GNG4: variants seen among roughly 807,000 people sequenced by gnomAD.
The protein encoded by GNG4 is guanine nucleotide-binding protein G(I)/G(S)/G(O) subunit gamma-4.
In GNG4, 4 loss-of-function variants were observed where a neutral mutation model predicts 5.8. The observed-to-expected ratio is 0.69, with a 90% CI of 0.34 to 1.57. GNG4 has a LOEUF of 1.57. GNG4 is among the 40% of genes most tolerant of loss of function. The pLI is 0.06. For missense variants in GNG4, 96 were observed against 95.1 expected, an observed-to-expected ratio of 1.01 and a Z score of -0.04; for synonymous variants, 29 against 32.9, an observed-to-expected ratio of 0.88 and a Z score of 0.41.
chr1:235,573,669 C>T (rs2102931581), intron 3 of GNG4, among the ~76,000 whole-genome samples: 1 of 152,030 alleles, frequency 6.6e-6, no homozygotes, highest in East Asian at 1.9e-4. Flanking sequence ...CCCAGCTACT[C>T]AGGAGGCCGA....
At chr1:235,625,460 A>G (rs930582231) in intron 1 of GNG4, among the ~76,000 whole-genome samples, 1 of 152,144 alleles carries the variant, frequency 6.6e-6, no homozygotes, top group Non-Finnish European at 1.5e-5. Context: ...CATAGTTTAC[A>G]ATAGGGCTCA....
intron 1 of GNG4, among the ~76,000 whole-genome samples, chr1:235,598,134 A>G (rs562789856): frequency 3.3e-5 from 5 of 152,236 alleles, no homozygotes; most frequent in African/African-American, 9.6e-5. Flanking sequence ...CGGTTCCCCA[A>G]ATTTGGTTGG....
intron 1 of GNG4, among the ~76,000 whole-genome samples, chr1:235,605,014 G>C (rs1029664731): frequency 2.0e-5 from 3 of 152,032 alleles, no homozygotes; most frequent in African/African-American, 7.3e-5. Flanking sequence ...TTTTTCACTT[G>C]TAAAATGAGA....
intron 3 of GNG4, among the ~76,000 whole-genome samples, chr1:235,562,477 TC>T (rs1249202187): frequency 6.6e-6 from 1 of 151,680 alleles, no homozygotes; most frequent in African/African-American, 2.4e-5. Context: ...CGAAACCCCA[TC>T]TCTACTAAAA....
At position 235,549,862 on chromosome 1, in the gene GNG4, C is replaced by T. The variant is rs10754681; in HGVS notation, c.*2247G>A. ...ATCCATTCTTCCCTATATTATACCA[C>T]GGCATTTAGTACATTTATTTGTTTT... On this transcript the variant is annotated 3_prime_UTR_variant, in exon 4 of 4. Coordinates refer to ENST00000391854, the MANE Select transcript of GNG4 (RefSeq NM_001098722.2). 85,114 of 152,058 alleles carry T rather than the reference C, an allele frequency of 0.56. 24,470 individuals carry two copies. Among genetic ancestry groups the T allele is most frequent in the East Asian group, 0.83 (4,286 of 5,184 alleles). The allele number at this position is 152,058 out of a possible 1,614,324, so 9.4% of individuals were successfully genotyped here.
At chr1:235,594,386 C>T (rs561764440) in intron 2 of GNG4, among the ~76,000 whole-genome samples, 1 of 152,238 alleles carries the variant, frequency 6.6e-6, no homozygotes, top group Non-Finnish European at 1.5e-5. Flanking sequence ...TGGATCCCAT[C>T]TGGGGCCACA....
At chr1:235,560,443 C>A (rs181768647) in intron 3 of GNG4, among the ~76,000 whole-genome samples, 31 of 152,260 alleles carry the variant, frequency 2.0e-4, no homozygotes, top group African/African-American at 7.5e-4. Context: ...CTGCAAGTAG[C>A]CCCTCACCAG....
intron 2 of GNG4, 94 bp from the exon 3 acceptor site, chr1:235,583,942 C>A: frequency 1.5e-6 from 1 of 665,808 alleles, no homozygotes; most frequent in Non-Finnish European, 2.6e-6. Flanking sequence ...CTGTCCAAGC[C>A]AGGGAGCATC....
chr1:235,547,835 A>T lies in GNG4; in HGVS notation c.*4274T>A, dbSNP rs1686620659. On this transcript the variant is annotated 3_prime_UTR_variant, in exon 4 of 4. Coordinates refer to ENST00000391854, the MANE Select transcript of GNG4 (RefSeq NM_001098722.2). Reference sequence around the variant, plus strand: ...TCAAGAAACAGAACACCCCAGAAGCACCACCTCATGCCCGCTTCTGGTTAC... The same window carrying T: ...TCAAGAAACAGAACACCCCAGAAGCTCCACCTCATGCCCGCTTCTGGTTAC... 6.6e-6 allele frequency: 1 copy of T among 152,154 alleles called. No individual in the cohort carries two copies. The highest frequency in any genetic ancestry group is 2.4e-5 in the African/African-American group (1 of 41,416). 9.4% of individuals were successfully genotyped at this position (152,154 alleles called of 1,614,324 possible). A position where few individuals can be genotyped will look rare whatever the true frequency, so the allele number is the denominator to read the frequency against.
At chr1:235,620,407 G>C (rs1688685055) in intron 1 of GNG4, among the ~76,000 whole-genome samples, 1 of 152,184 alleles carries the variant, frequency 6.6e-6, no homozygotes, top group Admixed American at 6.5e-5. Flanking sequence ...TGGGTGCAGA[G>C]GTCAGTCCTA....
chr1:235,554,889 GCCCTC>G (rs1686857787), intron 3 of GNG4, among the ~76,000 whole-genome samples: 1 of 148,614 alleles, frequency 6.7e-6, no homozygotes, highest in Admixed American at 6.7e-5. Flanking sequence ...TGACTATCAT[GCCCTC>G]TCCAGTTTTC....
intron 3 of GNG4, among the ~76,000 whole-genome samples, chr1:235,579,348 C>T (rs546832909): frequency 1.3e-5 from 2 of 151,686 alleles, no homozygotes; most frequent in African/African-American, 2.4e-5. Flanking sequence ...CCATCCCCCT[C>T]AGTACTGTCG....
At chr1:235,552,360 C>A (rs564502234) in intron 3 of GNG4, 123 bp from the exon 4 acceptor site, 7 of 859,972 alleles carry the variant, frequency 8.1e-6, no homozygotes, top group African/African-American at 3.4e-5. Context: ...GCACGGCCTA[C>A]AACATGGTCA....
chr1:235,552,532 G>A (rs1297369828), intron 3 of GNG4, among the ~76,000 whole-genome samples: 2 of 152,328 alleles, frequency 1.3e-5, no homozygotes, highest in African/African-American at 2.4e-5. Context: ...TAGGTGAGGA[G>A]TGGAGGTTCC....
chr1:235,560,788 G>C (rs1483572903), intron 3 of GNG4, among the ~76,000 whole-genome samples: 1 of 152,118 alleles, frequency 6.6e-6, no homozygotes, highest in Non-Finnish European at 1.5e-5. Flanking sequence ...TTAATCCGAA[G>C]CATTTTCCCC....
At chr1:235,597,566 G>T (rs11586857) in intron 1 of GNG4, among the ~76,000 whole-genome samples, 10,942 of 47,408 alleles carry the variant, frequency 0.23, 965 homozygotes, top group African/African-American at 0.41. Flanking sequence ...GTTTTAGTTT[G>T]TTTTTTTTTT....
chr1:235,611,435 A>G (rs1688472989), intron 1 of GNG4, among the ~76,000 whole-genome samples: 1 of 152,242 alleles, frequency 6.6e-6, no homozygotes, highest in Non-Finnish European at 1.5e-5. Context: ...TTGCCTACCA[A>G]TGTGCTGGGA....
Position 235,645,225 on chromosome 1 carries a change from G to A in GNG4, c.-123+4437C>T, listed in dbSNP as rs548895507. ...TGGACCTGAGCCACAGAGTCCTGCT[G>A]GGCCATTGTGGAGAAGAACCTGCTC... On this transcript the variant is annotated intron_variant, in intron 1 of 3. Transcript: ENST00000391854. Among the ~76,000 whole-genome samples the A allele has an allele frequency of 9.9e-5, 15 of 152,240 alleles. 1 individual carries two copies. Among genetic ancestry groups the A allele is most frequent in the Admixed American group, 3.9e-4 (6 of 15,292 alleles).
chr1:235,608,163 C>T (rs908097362), intron 1 of GNG4, among the ~76,000 whole-genome samples: 19 of 152,138 alleles, frequency 1.2e-4, no homozygotes, highest in African/African-American at 4.1e-4. Flanking sequence ...GTCTCGAACT[C>T]CTGACCTCAT....
Sources: gnomAD v4.1 joint callset for allele counts (sites outside exome capture counted in the v4.1 genomes callset) on GRCh38, gnomAD v4.1.1 for gene constraint, MANE v1.5 for transcripts, NCBI Gene and HGNC (gene_info 2026-07-23, HGNC 2026-07-21) for gene names.